Variants in GPC5 observed in about 807,000 individuals in gnomAD.
GPC5 encodes the protein glypican 5.
A neutral mutation model predicts 53.9 loss-of-function variants in GPC5; 47 were observed. The observed-to-expected ratio is 0.87, with a 90% CI of 0.69 to 1.11. The LOEUF (loss-of-function observed/expected upper bound fraction) is 1.11, where lower values mean the gene tolerates loss of function less well. Among genes scored for constraint, GPC5 ranks in the 50% most tolerant of loss-of-function variants. The pLI, the probability that GPC5 is intolerant of heterozygous loss-of-function variation, is 0.00. For synonymous variants in GPC5, 286 were observed against 263.3 expected (o/e 1.09, Z -0.84); for missense variants, 748 against 713.1 (o/e 1.05, Z -0.56).
At chr13:92,542,226 C>T (rs975881455) in intron 7 of GPC5, among the ~76,000 whole-genome samples, 1 of 151,916 alleles carries the variant, frequency 6.6e-6, no homozygotes, top group African/African-American at 2.4e-5. Context: ...TGAAAATATA[C>T]TAAGTTGTTA....
intron 7 of GPC5, among the ~76,000 whole-genome samples, chr13:92,683,730 C>T (rs535850937): frequency 1.3e-5 from 2 of 152,192 alleles, no homozygotes; most frequent in South Asian, 2.1e-4. Context: ...ATTGTAGTAA[C>T]CACATATATA....
chr13:91,806,821 G>A lies in GPC5; in HGVS notation c.1280+50401G>A, dbSNP rs188773080. Among the ~76,000 whole-genome samples, 1,002 of 152,192 alleles carry A rather than the reference G, an allele frequency of 6.6e-3. 7 individuals carry two copies. The highest frequency in any genetic ancestry group is 0.022 in the African/African-American group (906 of 41,524). On this transcript the variant is annotated intron_variant, in intron 5 of 7. Coordinates refer to ENST00000377067, the MANE Select transcript of GPC5 (RefSeq NM_004466.6). ...AGGTGGCAGATCAACAATATTTAGC[G>A]AGAAATGGGGAGGAGGAAAAGCCAA... is the stretch of plus-strand genomic sequence containing the variant.
intron 7 of GPC5, among the ~76,000 whole-genome samples, chr13:92,568,707 C>T (rs934654846): frequency 6.6e-6 from 1 of 152,132 alleles, no homozygotes; most frequent in Non-Finnish European, 1.5e-5. Flanking sequence ...CTAAGTGCTT[C>T]ATACACATTA....
chr13:92,595,660 T>C (rs919731955), intron 7 of GPC5, among the ~76,000 whole-genome samples: 13 of 145,294 alleles, frequency 8.9e-5, no homozygotes, highest in African/African-American at 3.1e-4. Flanking sequence ...CCCAGCTACT[T>C]GGGAGGCTGA....
intron 6 of GPC5, among the ~76,000 whole-genome samples, chr13:91,962,170 T>C (rs981590016): frequency 2.6e-5 from 4 of 152,090 alleles, no homozygotes; most frequent in African/African-American, 4.8e-5. Flanking sequence ...GTGTTTTCTA[T>C]GGAGTAGTGG....
intron 1 of GPC5, among the ~76,000 whole-genome samples, chr13:91,423,685 G>T (rs1878806535): frequency 6.6e-6 from 1 of 152,132 alleles, no homozygotes; most frequent in Non-Finnish European, 1.5e-5. Context: ...GGACTATAAT[G>T]TATTGTGTAT....
At chr13:91,614,707 A>G (rs186178384) in intron 2 of GPC5, among the ~76,000 whole-genome samples, 69 of 152,260 alleles carry the variant, frequency 4.5e-4, no homozygotes, top group African/African-American at 1.4e-3. Context: ...GAGAAATCTG[A>G]CAGTGGAGTT....
chr13:91,527,078 T>G (rs1886121215), intron 2 of GPC5, among the ~76,000 whole-genome samples: 1 of 152,240 alleles, frequency 6.6e-6, no homozygotes, highest in African/African-American at 2.4e-5. Context: ...CCTCCTAAAT[T>G]GCACATCCTT....
chr13:92,354,623 C>T (rs533863956), intron 7 of GPC5, among the ~76,000 whole-genome samples: 3 of 152,252 alleles, frequency 2.0e-5, no homozygotes, highest in Admixed American at 6.5e-5. Context: ...ACATATAAAA[C>T]TAGATACTGG....
intron 7 of GPC5, among the ~76,000 whole-genome samples, chr13:92,656,794 G>A (rs1886151273): frequency 1.3e-5 from 2 of 152,076 alleles, no homozygotes; most frequent in Admixed American, 6.6e-5. Flanking sequence ...TTCTACAAAA[G>A]CAAACAAAAC....
At chr13:91,917,538 A>C (rs80280997) in intron 6 of GPC5, among the ~76,000 whole-genome samples, 1 of 152,194 alleles carries the variant, frequency 6.6e-6, no homozygotes, top group African/African-American at 2.4e-5. Flanking sequence ...AGTGCCCCAG[A>C]GGAGATTCTG....
chr13:92,330,823 C>T (rs76448888), intron 7 of GPC5, among the ~76,000 whole-genome samples: 1 of 152,084 alleles, frequency 6.6e-6, no homozygotes, highest in African/African-American at 2.4e-5. Context: ...ATGGTGGAGC[C>T]GAGGTCAACA....
intron 7 of GPC5, among the ~76,000 whole-genome samples, chr13:92,830,453 C>A (rs1448226967): frequency 1.3e-5 from 2 of 152,000 alleles, no homozygotes; most frequent in East Asian, 1.9e-4. Flanking sequence ...TATCAGTGGT[C>A]CTGAAGTTAA....
chr13:92,339,778 G>A (rs1305825879), intron 7 of GPC5: 1 of 151,884 alleles, frequency 6.6e-6, no homozygotes, highest in Non-Finnish European at 1.5e-5. Flanking sequence ...GGCATTAAAG[G>A]GCAGGTAAAG....
chr13:91,420,819 G>A (rs1039393100), intron 1 of GPC5, among the ~76,000 whole-genome samples: 1 of 152,142 alleles, frequency 6.6e-6, no homozygotes, highest in East Asian at 1.9e-4. Context: ...TTGTGTATAA[G>A]GTTCCTGCTT....
intron 7 of GPC5, among the ~76,000 whole-genome samples, chr13:92,283,372 C>T (rs2042930721): frequency 6.6e-6 from 1 of 152,180 alleles, no homozygotes; most frequent in African/African-American, 2.4e-5. Flanking sequence ...GAATTAAACT[C>T]AGCTCTGCAC....
At chr13:92,175,229 AT>A (rs1197925668) in intron 7 of GPC5, among the ~76,000 whole-genome samples, 2 of 152,208 alleles carry the variant, frequency 1.3e-5, no homozygotes, top group Non-Finnish European at 2.9e-5. Flanking sequence ...ACATATATTT[AT>A]TAACCTGTTT....
At chr13:92,069,933 T>C (rs1248258183) in intron 6 of GPC5, among the ~76,000 whole-genome samples, 1 of 152,166 alleles carries the variant, frequency 6.6e-6, no homozygotes, top group African/African-American at 2.4e-5. Flanking sequence ...GACCTGAATA[T>C]GCTGTATTAC....
intron 5 of GPC5, among the ~76,000 whole-genome samples, chr13:91,757,519 G>T (rs759785621): frequency 6.6e-6 from 1 of 151,998 alleles, no homozygotes; most frequent in African/African-American, 2.4e-5. Context: ...TGGTTTCCCC[G>T]ATCCTGTTCT....
Sources: allele counts gnomAD v4.1 joint callset (sites outside exome capture counted in the v4.1 genomes callset), GRCh38; gene constraint gnomAD v4.1.1; transcripts MANE v1.5; gene names NCBI Gene and HGNC (gene_info 2026-07-23, HGNC 2026-07-21).